The following TRAM2 variants were observed in gnomAD, a reference collection of about 807,000 sequenced individuals.
TRAM2 encodes the protein translocating chain-associated membrane protein 2.
In TRAM2, 12 loss-of-function variants were observed where a neutral mutation model predicts 51.0. That is an observed-to-expected ratio of 0.24 (90% confidence interval 0.15 to 0.38). TRAM2 has a LOEUF of 0.38. Ranked by LOEUF, TRAM2 falls within the 10% of genes least tolerant of loss-of-function variation. TRAM2 has a pLI of 1.00. For missense variants in TRAM2, 361 were observed against 462.0 expected (o/e 0.78, Z 2.00); for synonymous variants, 175 against 179.4 (o/e 0.98, Z 0.20).
At chr6:52,504,934 G>GTC (rs1268833280) in intron 9 of TRAM2, among the ~76,000 whole-genome samples, 180 bp from the exon 10 acceptor site, 3 of 152,238 alleles carry the variant, frequency 2.0e-5, no homozygotes, top group African/African-American at 7.2e-5. Context: ...GCTTCAGTCA[G>GTC]TCTCTGCTCC....
At chr6:52,523,610 A>T (rs965445706) in intron 2 of TRAM2, 1 of 152,254 alleles carries the variant, frequency 6.6e-6, no homozygotes, top group Non-Finnish European at 1.5e-5. Context: ...TGCCAGCAGG[A>T]ATGTAAAACG....
At chr6:52,511,376 G>A (rs751069009) in intron 4 of TRAM2, among the ~76,000 whole-genome samples, 17 of 152,202 alleles carry the variant, frequency 1.1e-4, no homozygotes, top group African/African-American at 2.2e-4. Context: ...GATTACAGGC[G>A]TGCACCATTG....
At chr6:52,520,710 G>C (rs976608436) in intron 2 of TRAM2, among the ~76,000 whole-genome samples, 1 of 152,030 alleles carries the variant, frequency 6.6e-6, no homozygotes, top group Admixed American at 6.6e-5. Flanking sequence ...CTCACTCCTA[G>C]AACCCAGCCA....
intron 4 of TRAM2, among the ~76,000 whole-genome samples, chr6:52,510,962 T>C (rs1766441102): frequency 6.6e-6 from 1 of 152,224 alleles, no homozygotes; most frequent in Non-Finnish European, 1.5e-5. Context: ...GAATGATGAA[T>C]GCTTTGGGCA....
chr6:52,537,518 A>G (rs1766996729), intron 1 of TRAM2, among the ~76,000 whole-genome samples: 2 of 151,972 alleles, frequency 1.3e-5, no homozygotes, highest in Admixed American at 6.6e-5. Context: ...AATCTCACAC[A>G]TCCCTTCATG....
intron 7 of TRAM2, 111 bp downstream of exon 7, chr6:52,507,442 G>C (rs536723665): frequency 1.1e-4 from 120 of 1,083,356 alleles, no homozygotes; most frequent in Non-Finnish European, 1.6e-4. Flanking sequence ...TTAGCATAGT[G>C]CTAGGCACAC....
chr6:52,504,309 C>T (rs116537481), intron 10 of TRAM2, among the ~76,000 whole-genome samples: 1,994 of 152,332 alleles, frequency 0.013, 22 homozygotes, highest in Middle Eastern at 0.034. Context: ...CCTGAGGACA[C>T]GCTTCCTGCC....
rs1766145303 is a variant in TRAM2, at chr6:52,498,853, G to A, written c.*4344C>T. On this transcript the variant is annotated 3_prime_UTR_variant, in exon 11 of 11. Coordinates refer to ENST00000182527, the MANE Select transcript of TRAM2 (RefSeq NM_012288.4). ...ACTGGGGGCTGGCCACGGAGTACAA[G>A]TTGAAAACCACACAGCAAAGTAAGG... 6.6e-6 allele frequency: 1 copy of A among 152,652 alleles called. No individual in the cohort carries two copies. Among genetic ancestry groups the A allele is most frequent in the Admixed American group, 6.5e-5 (1 of 15,274 alleles). The allele number at this position is 152,652 out of a possible 1,614,324, so 9.5% of individuals were successfully genotyped here.
At chr6:52,536,350 T>C (rs1272961713) in intron 1 of TRAM2, among the ~76,000 whole-genome samples, 2 of 152,246 alleles carry the variant, frequency 1.3e-5, no homozygotes, top group Non-Finnish European at 2.9e-5. Context: ...ATTTCACATC[T>C]ACCTTACTGG....
rs932607261 is a variant in TRAM2, at chr6:52,499,488, C to T, written c.*3709G>A. The T allele has an allele frequency of 1.3e-5, 2 of 152,202 alleles. No homozygotes were observed. Among genetic ancestry groups the T allele is most frequent in the African/African-American group, 4.8e-5 (2 of 41,442 alleles). The allele number at this position is 152,202 out of a possible 1,614,324, so 9.4% of individuals were successfully genotyped here. A position where few individuals can be genotyped will look rare whatever the true frequency, so the allele number is the denominator to read the frequency against. ...AACCCAAGCGAAGGCCTTTTCTAGG[C>T]ACAAGGGGGTCGGCAACCCACTTCC... On this transcript the variant is annotated 3_prime_UTR_variant, in exon 11 of 11. Transcript: ENST00000182527.
At chr6:52,537,333 C>T (rs1046047366) in intron 1 of TRAM2, among the ~76,000 whole-genome samples, 2 of 152,182 alleles carry the variant, frequency 1.3e-5, no homozygotes, top group African/African-American at 2.4e-5. Context: ...AGACCTTTTT[C>T]AGTGTTCTCG....
chr6:52,531,723 C>T (rs1766896038), intron 2 of TRAM2, among the ~76,000 whole-genome samples: 1 of 152,236 alleles, frequency 6.6e-6, no homozygotes, highest in Admixed American at 6.5e-5. Flanking sequence ...CAACACAACA[C>T]AACCCCCACA....
Position 52,497,505 on chromosome 6 carries a change from A to T in TRAM2, c.*5692T>A, listed in dbSNP as rs1267748474. 1 of 152,660 alleles carries T rather than the reference A, an allele frequency of 6.6e-6. No individual in the cohort carries two copies. Among genetic ancestry groups the T allele is most frequent in the Non-Finnish European group, 1.5e-5 (1 of 68,032 alleles). 9.5% of individuals were successfully genotyped at this position (152,660 alleles called of 1,614,324 possible). A position where few individuals can be genotyped will look rare whatever the true frequency, so the allele number is the denominator to read the frequency against. On this transcript the variant is annotated 3_prime_UTR_variant, in exon 11 of 11. Transcript: ENST00000182527. ...CATACAAAACTGTAATTTGTTTTAAAACCAGACAGAAACAGTGGAAAAATG... is the reference window on the plus strand; with the variant it reads ...CATACAAAACTGTAATTTGTTTTAATACCAGACAGAAACAGTGGAAAAATG...
chr6:52,520,509 T>G (rs1270409837), intron 2 of TRAM2, among the ~76,000 whole-genome samples: 1 of 152,252 alleles, frequency 6.6e-6, no homozygotes, highest in Non-Finnish European at 1.5e-5. Context: ...AGCTAACAGC[T>G]GGCTACGCGG....
At chr6:52,505,268 A>G (rs1229869354) in intron 9 of TRAM2, among the ~76,000 whole-genome samples, 2 of 152,218 alleles carry the variant, frequency 1.3e-5, no homozygotes, top group African/African-American at 4.8e-5. Flanking sequence ...CATTAAGCAC[A>G]TGGTTTTAAA....
At chr6:52,531,369 T>G (rs4715302) in intron 2 of TRAM2, among the ~76,000 whole-genome samples, 1 of 152,188 alleles carries the variant, frequency 6.6e-6, no homozygotes, top group South Asian at 2.1e-4. Flanking sequence ...TTTGCTTGTC[T>G]TATTTCCAAC....
rs773300874 is a variant in TRAM2 at position 52,547,926 on chromosome 6, C to T, written c.121-12080G>A. On this transcript the variant is annotated intron_variant, in intron 1 of 10. Transcript: ENST00000182527. Reference sequence around the variant, plus strand: ...TGCTGCCATAACCATGGGGCAATTCCAGATCTGACAATGGCCACACAGGGT... The same window carrying T: ...TGCTGCCATAACCATGGGGCAATTCTAGATCTGACAATGGCCACACAGGGT... 1.2e-4 allele frequency among the ~76,000 whole-genome samples: 19 copies of T among 152,348 alleles called. No individual in the cohort carries two copies. The Middle Eastern group carries it at 0.01, about 82-fold the overall frequency.
Position 52,503,009 on chromosome 6 carries a change from T to C in TRAM2, c.*188A>G. The C allele has an allele frequency of 3.2e-6, 2 of 625,800 alleles. No individual in the cohort carries two copies. The highest frequency in any genetic ancestry group is 5.7e-6 in the Non-Finnish European group (2 of 353,178). The allele number at this position is 625,800 out of a possible 1,614,324, so 38.8% of individuals were successfully genotyped here. A position where few individuals can be genotyped will look rare whatever the true frequency, so the allele number is the denominator to read the frequency against. ...AGATTTTTGGCTTTATTGAGAATGG[T>C]TTGTGGAAGAATAAGAGGAAGCCAA... is the stretch of plus-strand genomic sequence containing the variant. On this transcript the variant is annotated 3_prime_UTR_variant, in exon 11 of 11. Transcript: ENST00000182527.
intron 1 of TRAM2, among the ~76,000 whole-genome samples, chr6:52,558,278 G>A (rs1355638927): frequency 6.6e-6 from 1 of 152,138 alleles, no homozygotes; most frequent in Non-Finnish European, 1.5e-5. Context: ...AGGAGCCCGG[G>A]AGCACCAGGT....
Sources: allele counts gnomAD v4.1 joint callset (sites outside exome capture counted in the v4.1 genomes callset), GRCh38; gene constraint gnomAD v4.1.1; transcripts MANE v1.5; gene names NCBI Gene and HGNC (gene_info 2026-07-23, HGNC 2026-07-21).